The following PCDH15 variants were observed in gnomAD, a reference collection of about 807,000 sequenced individuals.
PCDH15 encodes the protein protocadherin related 15, also known as protocadherin-15.
In PCDH15, 129 loss-of-function variants were observed where a neutral mutation model predicts 178.5. The ratio of observed to expected loss-of-function variants is 0.72; its 90% confidence interval spans 0.63 to 0.84. The LOEUF (loss-of-function observed/expected upper bound fraction) is 0.84, where lower values mean the gene tolerates loss of function less well. Among genes scored for constraint, PCDH15 ranks in the 40% least tolerant of loss-of-function variants. The pLI, the probability that PCDH15 is intolerant of heterozygous loss-of-function variation, is 0.00. For synonymous variants in PCDH15, 800 were observed against 732.0 expected (o/e 1.09, Z -1.50); for missense variants, 2,230 against 2,099.9 (o/e 1.06, Z -1.21).
chr10:54,617,013 T>C lies in PCDH15; in HGVS notation c.91+47159A>G, dbSNP rs543208135. Among the ~76,000 whole-genome samples the C allele has an allele frequency of 2.6e-5, 4 of 152,052 alleles. No individual in the cohort carries two copies. The East Asian group carries it at 5.8e-4, about 22-fold the overall frequency. ...TCACTGTTGTTTATCATGAATTTCA[T>C]TGTATCTTTAAAAACATGACGTTTT... On this transcript the variant is annotated intron_variant, in intron 2 of 37. Coordinates refer to ENST00000644397, the MANE Select transcript of PCDH15 (RefSeq NM_001384140.1).
At chr10:54,823,493 C>T (rs1048199191) in intron 3 of PCDH15, among the ~76,000 whole-genome samples, 2 of 152,156 alleles carry the variant, frequency 1.3e-5, no homozygotes, top group East Asian at 3.9e-4. Flanking sequence ...ACTTACTCCA[C>T]ACTACAACCC....
At chr10:55,353,421 G>A (rs1332002649) in intron 2 of PCDH15, among the ~76,000 whole-genome samples, 1 of 152,136 alleles carries the variant, frequency 6.6e-6, no homozygotes, top group East Asian at 1.9e-4. Flanking sequence ...GAGAATGTTA[G>A]TGGAAAGAGC....
At chr10:55,134,598 A>T (rs912848615) in intron 2 of PCDH15, among the ~76,000 whole-genome samples, 1 of 152,176 alleles carries the variant, frequency 6.6e-6, no homozygotes, top group African/African-American at 2.4e-5. Context: ...AGAATTTTGC[A>T]AATACAATTT....
intron 28 of PCDH15, among the ~76,000 whole-genome samples, chr10:53,855,835 C>A (rs1052521194): frequency 6.8e-6 from 1 of 146,890 alleles, no homozygotes; most frequent in Non-Finnish European, 1.5e-5. Flanking sequence ...CACATGTATA[C>A]CTATGTAACA....
At chr10:55,282,226 T>G (rs1842753052) in intron 1 of PCDH15, among the ~76,000 whole-genome samples, 1 of 152,196 alleles carries the variant, frequency 6.6e-6, no homozygotes, top group South Asian at 2.1e-4. Flanking sequence ...CTTTAGTGCC[T>G]TTTAGATACC....
At chr10:54,383,615 G>A (rs1354398296) in intron 3 of PCDH15, among the ~76,000 whole-genome samples, 3 of 41,486 alleles carry the variant, frequency 7.2e-5, no homozygotes, top group Non-Finnish European at 1.1e-4. Flanking sequence ...ATACCATGCC[G>A]TGTATGTGTG....
chr10:53,854,792 A>T (rs1163173865), intron 28 of PCDH15, among the ~76,000 whole-genome samples: 1 of 152,112 alleles, frequency 6.6e-6, no homozygotes, highest in African/African-American at 2.4e-5. Context: ...AGTTTTCAAA[A>T]TAATTCTATA....
chr10:54,776,916 T>C (rs918973740), intron 1 of PCDH15, among the ~76,000 whole-genome samples: 5 of 152,250 alleles, frequency 3.3e-5, no homozygotes, highest in African/African-American at 1.2e-4. Context: ...AGGAGGTTTA[T>C]ACAAAGAAAG....
At chr10:54,972,268 G>A (rs547080077) in intron 2 of PCDH15, among the ~76,000 whole-genome samples, 2 of 152,274 alleles carry the variant, frequency 1.3e-5, no homozygotes, top group East Asian at 3.9e-4. Context: ...GGCTGGGCGT[G>A]GTGGCTCATG....
chr10:55,238,867 G>C (rs901815569), intron 1 of PCDH15, among the ~76,000 whole-genome samples: 1 of 151,940 alleles, frequency 6.6e-6, no homozygotes, highest in Non-Finnish European at 1.5e-5. Flanking sequence ...CTTTGTGTTA[G>C]GAACACAAAG....
chr10:54,252,330 T>C (rs903336307), intron 8 of PCDH15, among the ~76,000 whole-genome samples: 3 of 152,206 alleles, frequency 2.0e-5, no homozygotes, highest in Non-Finnish European at 4.4e-5. Flanking sequence ...ACCTACTCTA[T>C]GTATTTCAAT....
chr10:55,562,523 G>A (rs78349704), intron 2 of PCDH15, among the ~76,000 whole-genome samples: 2,143 of 151,974 alleles, frequency 0.014, 61 homozygotes, highest in African/African-American at 0.049. Flanking sequence ...ACCCAGCTTT[G>A]TCACTTAGTT....
At chr10:53,864,979 C>T (rs1029169280) in intron 27 of PCDH15, among the ~76,000 whole-genome samples, 13 of 151,934 alleles carry the variant, frequency 8.6e-5, no homozygotes, top group African/African-American at 2.9e-4. Flanking sequence ...TGAGTGCTTG[C>T]AGTCCTAGGT....
At chr10:55,309,741 G>T (rs936460538) in intron 1 of PCDH15, among the ~76,000 whole-genome samples, 2 of 152,134 alleles carry the variant, frequency 1.3e-5, no homozygotes, top group Non-Finnish European at 2.9e-5. Flanking sequence ...AACAAATTCT[G>T]TGTGCACCTT....
chr10:55,478,982 T>G (rs73261680), intron 2 of PCDH15, among the ~76,000 whole-genome samples: 2,204 of 147,590 alleles, frequency 0.015, 44 homozygotes, highest in African/African-American at 0.052. Flanking sequence ...ATTAATGAGA[T>G]TAAATCAGTA....
chr10:54,272,012 A>ATATATATATTTTATATATAATATAT (rs2058077965), intron 8 of PCDH15, among the ~76,000 whole-genome samples: 1 of 145,086 alleles, frequency 6.9e-6, no homozygotes, highest in Non-Finnish European at 1.5e-5. Context: ...TATATATCAT[A>ATATATATATTTTATATATAATATAT]TATATATATT....
intron 35 of PCDH15, 73 bp downstream of exon 35, chr10:53,816,166 A>G (rs905240293): frequency 1.0e-5 from 4 of 398,366 alleles, no homozygotes; most frequent in African/African-American, 8.2e-5. Flanking sequence ...CTCTGCCTAC[A>G]AGAATTAATA....
Position 55,184,254 on chromosome 10 carries a change from G to C in PCDH15, c.-155-17603C>G, listed in dbSNP as rs74136388. 4.8e-3 allele frequency among the ~76,000 whole-genome samples: 727 copies of C among 152,016 alleles called. 3 individuals carry two copies. The highest frequency in any genetic ancestry group is 0.017 in the African/African-American group (707 of 41,506). ...CTGGTGGAACAATGAGACAATTATA[G>C]TTTTGGTGCATGTGAAATAACTACA... On this transcript the variant is annotated intron_variant, in intron 1 of 5. Coordinates refer to the PCDH15 transcript ENST00000458638.
chr10:55,425,402 A>C (rs1232632755), intron 2 of PCDH15, among the ~76,000 whole-genome samples: 1 of 152,100 alleles, frequency 6.6e-6, no homozygotes, highest in East Asian at 1.9e-4. Context: ...GCTAGAAAAA[A>C]ATGCAAAAGT....
Sources: gnomAD v4.1 joint callset for allele counts (sites outside exome capture counted in the v4.1 genomes callset) on GRCh38, gnomAD v4.1.1 for gene constraint, MANE v1.5 for transcripts, NCBI Gene and HGNC (gene_info 2026-07-23, HGNC 2026-07-21) for gene names.